The following NXPH1 variants were observed in gnomAD, a reference collection of about 807,000 sequenced individuals.
The protein encoded by NXPH1 is neurexophilin-1.
In NXPH1, 5 loss-of-function variants were observed where a neutral mutation model predicts 23.7. The observed-to-expected ratio is 0.21, with a 90% CI of 0.11 to 0.44. The LOEUF is 0.44. NXPH1 is among the 20% of genes least tolerant of loss of function. NXPH1 has a pLI of 0.99. For synonymous variants in NXPH1, 144 were observed against 122.2 expected (o/e 1.18, Z -1.18); for missense variants, 324 against 321.6 (o/e 1.01, Z -0.06).
intron 2 of NXPH1, among the ~76,000 whole-genome samples, chr7:8,659,713 C>A (rs139836865): frequency 2.6e-5 from 4 of 152,114 alleles, no homozygotes; most frequent in Admixed American, 1.3e-4. Context: ...CACATGTACC[C>A]TAGAACTTAA....
rs188049236 is a variant in NXPH1 at position 8,714,297 on chromosome 7, T to A, written c.55-36711T>A. Among the ~76,000 whole-genome samples, 511 of 151,868 alleles carry A rather than the reference T, an allele frequency of 3.4e-3. 2 individuals carry two copies. Among genetic ancestry groups the A allele is most frequent in the Middle Eastern group, 0.01 (3 of 290 alleles). ...CAAGGGCTCTTTACTCGGCTTGTGGTGGATGCTGACAGACCTGGGACTGAC... is the reference window on the plus strand; with the variant it reads ...CAAGGGCTCTTTACTCGGCTTGTGGAGGATGCTGACAGACCTGGGACTGAC... On this transcript the variant is annotated intron_variant, in intron 2 of 2. Transcript: ENST00000405863.
intron 2 of NXPH1, among the ~76,000 whole-genome samples, chr7:8,739,194 A>C (rs920056242): frequency 4.8e-4 from 65 of 134,770 alleles, no homozygotes; most frequent in African/African-American, 1.2e-3. Flanking sequence ...AAAAAAAAAA[A>C]AAAAAAAAAA....
rs529518918 is a variant in NXPH1, at chr7:8,459,548, T to C, written c.54+23781T>C. Among the ~76,000 whole-genome samples, 9 of 152,350 alleles carry C rather than the reference T, an allele frequency of 5.9e-5. No individual in the cohort carries two copies. In the South Asian group the frequency reaches 1.7e-3, roughly 28 times the overall value. On this transcript the variant is annotated intron_variant, in intron 2 of 2. Transcript: ENST00000405863. ...TGGTTAAAAATGTGTAATTGTACTC[T>C]GCCCTGCCATCTTCTTTCTTCTAGA...
chr7:8,533,760 A>G (rs1817986816), intron 2 of NXPH1, among the ~76,000 whole-genome samples: 2 of 152,146 alleles, frequency 1.3e-5, no homozygotes, highest in Non-Finnish European at 2.9e-5. Context: ...ACGTTTCTTC[A>G]GCCTGCTGTT....
intron 2 of NXPH1, among the ~76,000 whole-genome samples, chr7:8,597,550 G>A (rs1225519624): frequency 1.3e-5 from 2 of 152,022 alleles, no homozygotes; most frequent in Non-Finnish European, 2.9e-5. Context: ...ATGTACATTT[G>A]TATGGGGACA....
chr7:8,681,762 T>G (rs1256475603), intron 2 of NXPH1, among the ~76,000 whole-genome samples: 1 of 152,214 alleles, frequency 6.6e-6, no homozygotes, highest in Non-Finnish European at 1.5e-5. Flanking sequence ...TTGACAAACA[T>G]CAGGCCTGTG....
intron 2 of NXPH1, among the ~76,000 whole-genome samples, chr7:8,579,747 T>C (rs1475154968): frequency 1.3e-5 from 2 of 152,230 alleles, no homozygotes; most frequent in Non-Finnish European, 2.9e-5. Context: ...ATCACATGAT[T>C]GTTCCACTTG....
intron 2 of NXPH1, among the ~76,000 whole-genome samples, chr7:8,466,490 G>C (rs1056683403): frequency 4.0e-4 from 61 of 152,226 alleles, no homozygotes; most frequent in African/African-American, 1.4e-3. Context: ...AGACATTTTT[G>C]ACTGCAAGAA....
At position 8,621,290 on chromosome 7, in the gene NXPH1, A is replaced by G. The variant is rs190099849; in HGVS notation, c.55-129718A>G. ...AGGAAGAAGTCTGTCCAGGAGCTGC[A>G]GCATAGCACAGACAAAGACTCAGAC... On this transcript the variant is annotated intron_variant, in intron 2 of 2. Transcript: ENST00000405863. Among the ~76,000 whole-genome samples, 8 of 152,286 alleles carry G rather than the reference A, an allele frequency of 5.3e-5. No individual in the cohort carries two copies. The East Asian group carries it at 1.5e-3, about 29-fold the overall frequency.
chr7:8,637,369 C>T (rs1016823001), intron 2 of NXPH1, among the ~76,000 whole-genome samples: 9 of 151,990 alleles, frequency 5.9e-5, no homozygotes, highest in South Asian at 2.1e-4. Flanking sequence ...ACCACAGGCT[C>T]GTGCCACCAT....
At chr7:8,699,097 G>A (rs1779581199) in intron 2 of NXPH1, among the ~76,000 whole-genome samples, 1 of 151,976 alleles carries the variant, frequency 6.6e-6, no homozygotes, top group East Asian at 1.9e-4. Flanking sequence ...AATTTTTTTG[G>A]TCCATTATAT....
At chr7:8,724,632 A>G (rs929225472) in intron 2 of NXPH1, among the ~76,000 whole-genome samples, 53 of 152,166 alleles carry the variant, frequency 3.5e-4, no homozygotes, top group African/African-American at 1.3e-3. Context: ...TCTATGACCT[A>G]TTTCATCTTA....
At chr7:8,742,498 ATGTT>A (rs1450562351) in intron 2 of NXPH1, among the ~76,000 whole-genome samples, 1 of 146,848 alleles carries the variant, frequency 6.8e-6, no homozygotes, top group Non-Finnish European at 1.5e-5. Context: ...GCATTGTAGA[ATGTT>A]TAGTTAATAA....
intron 2 of NXPH1, among the ~76,000 whole-genome samples, chr7:8,682,105 G>A (rs1003683829): frequency 6.6e-6 from 1 of 152,182 alleles, no homozygotes; most frequent in Non-Finnish European, 1.5e-5. Flanking sequence ...CTTCACCTTT[G>A]TGCTTGAGTA....
At chr7:8,641,308 G>A (rs1365317543) in intron 2 of NXPH1, among the ~76,000 whole-genome samples, 1 of 152,136 alleles carries the variant, frequency 6.6e-6, no homozygotes, top group African/African-American at 2.4e-5. Flanking sequence ...GTTCTCCTTG[G>A]ATTGAAAACC....
At chr7:8,656,239 T>C (rs943633243) in intron 2 of NXPH1, among the ~76,000 whole-genome samples, 2 of 152,238 alleles carry the variant, frequency 1.3e-5, no homozygotes, top group Non-Finnish European at 2.9e-5. Context: ...TAATTAATAA[T>C]GAGTAAGCGT....
intron 2 of NXPH1, among the ~76,000 whole-genome samples, chr7:8,699,370 T>C (rs1271699492): frequency 6.6e-6 from 1 of 152,004 alleles, no homozygotes; most frequent in Non-Finnish European, 1.5e-5. Context: ...TCAGTTTTTA[T>C]CTCTGATTTT....
At chr7:8,525,947 C>T (rs976439156) in intron 2 of NXPH1, among the ~76,000 whole-genome samples, 3 of 152,154 alleles carry the variant, frequency 2.0e-5, no homozygotes, top group Admixed American at 1.3e-4. Flanking sequence ...ACTGGGGCTC[C>T]ACCTAGTGGA....
At chr7:8,542,361 C>A (rs1033842131) in intron 2 of NXPH1, among the ~76,000 whole-genome samples, 9 of 151,376 alleles carry the variant, frequency 5.9e-5, no homozygotes, top group Non-Finnish European at 1.3e-4. Context: ...ACTTTTATAG[C>A]AGTGAGAGAG....
Sources: gnomAD v4.1 joint callset for allele counts (sites outside exome capture counted in the v4.1 genomes callset) on GRCh38, gnomAD v4.1.1 for gene constraint, MANE v1.5 for transcripts, NCBI Gene and HGNC (gene_info 2026-07-23, HGNC 2026-07-21) for gene names.